The following ZFPM1 variants were observed in gnomAD, a reference collection of about 807,000 sequenced individuals.
ZFPM1 encodes zinc finger protein ZFPM1.
Under a neutral mutation model 46.3 loss-of-function variants are expected in ZFPM1, and 28 were observed. That is an observed-to-expected ratio of 0.60 (90% CI 0.45 to 0.83). The LOEUF is 0.83. Ranked by LOEUF, ZFPM1 falls within the 40% of genes least tolerant of loss-of-function variation. The probability of loss-of-function intolerance (pLI) is 0.00; values close to 1 mark genes in which losing one functional copy is unlikely to be tolerated. For synonymous variants in ZFPM1, 957 were observed against 675.9 expected (o/e 1.42, Z -6.45); for missense variants, 1,878 against 1,432.4 (o/e 1.31, Z -5.02).
In ZFPM1 at chr16:88,495,133, A is replaced by G. The variant is rs74807982; in HGVS notation, c.268+5980A>G. On this transcript the variant is annotated intron_variant, in intron 3 of 9. Coordinates refer to ENST00000319555, the MANE Select transcript of ZFPM1 (RefSeq NM_153813.3). ...CCTGCCTCGGAAAATGGAGGCGCTC[A>G]GACGTGCCAGCCCCACTAGGACTTG... Among the ~76,000 whole-genome samples, 246 of 152,332 alleles carry G rather than the reference A, an allele frequency of 1.6e-3. 1 individual carries two copies. Among genetic ancestry groups the G allele is most frequent in the African/African-American group, 5.7e-3 (238 of 41,578 alleles).
At chr16:88,465,862 G>A (rs1373297534) in intron 1 of ZFPM1, among the ~76,000 whole-genome samples, 6 of 152,360 alleles carry the variant, frequency 3.9e-5, no homozygotes, top group African/African-American at 1.2e-4. Flanking sequence ...AGAGCCCGGC[G>A]TGCGGCTAAT....
At position 88,453,574 on chromosome 16, in the gene ZFPM1, C is replaced by A; in HGVS notation, c.-65C>A. 1 of 921,424 alleles carries A rather than the reference C, an allele frequency of 1.1e-6. No homozygotes were observed. Among genetic ancestry groups the A allele is most frequent in the Non-Finnish European group, 1.3e-6 (1 of 774,474 alleles). 57.1% of individuals were successfully genotyped at this position (921,424 alleles called of 1,614,324 possible). The stretch of plus-strand genomic sequence containing the variant: ...CGGCCCCGCGGCCCCGCCGCGCCCC[C>A]GCCGCCCGCCGCCGCCCGCCCGGGG... On this transcript the variant is annotated 5_prime_UTR_variant, in exon 1 of 10. Transcript: ENST00000319555.
chr16:88,495,297 G>A (rs901885785), intron 3 of ZFPM1, among the ~76,000 whole-genome samples: 4 of 152,250 alleles, frequency 2.6e-5, no homozygotes, highest in Admixed American at 2.0e-4. Context: ...AGGCCGAAGA[G>A]CGTGGGGGCT....
At chr16:88,531,860 T>C (rs1912809049) in intron 6 of ZFPM1, 142 bp from the exon 7 acceptor site, 4 of 748,034 alleles carry the variant, frequency 5.3e-6, no homozygotes, top group African/African-American at 1.8e-5. Flanking sequence ...GGCTTACAGT[T>C]ACAGGAAGGG....
At chr16:88,517,917 A>G (rs1185632142) in intron 4 of ZFPM1, among the ~76,000 whole-genome samples, 1 of 151,854 alleles carries the variant, frequency 6.6e-6, no homozygotes, top group Admixed American at 6.6e-5. Flanking sequence ...GGATGGATAA[A>G]TGAGTGGGTG....
At chr16:88,510,131 G>A (rs931271938) in intron 3 of ZFPM1, among the ~76,000 whole-genome samples, 2 of 152,144 alleles carry the variant, frequency 1.3e-5, no homozygotes, top group African/African-American at 4.8e-5. Context: ...CTCACGGCAC[G>A]AGCCCGAGGG....
intron 3 of ZFPM1, among the ~76,000 whole-genome samples, chr16:88,502,598 G>A (rs1265310064): frequency 3.3e-5 from 5 of 152,206 alleles, no homozygotes; most frequent in Non-Finnish European, 5.9e-5. Flanking sequence ...GCTGCTGGAG[G>A]CAGTGGCCTT....
chr16:88,485,952 C>T lies in ZFPM1; in HGVS notation c.54C>T (p.Asp18=). Reference sequence around the variant, plus strand: ...TTGTGTCCACAGGTTCCCTCGGAGACATGGAGGCCAGAGAGGAGGTGCAGT... The same window carrying T: ...TTGTGTCCACAGGTTCCCTCGGAGATATGGAGGCCAGAGAGGAGGTGCAGT... The part of the protein sequence containing the change: ...NPRQIKRSLG[D]MEAREEVQLV... Residue 18 remains aspartate (D), a synonymous_variant, in exon 2 of 10, where the codon GAC becomes GAT. Coordinates refer to ENST00000319555, the MANE Select transcript of ZFPM1 (RefSeq NM_153813.3). The T allele has an allele frequency of 6.2e-7, 1 of 1,612,852 alleles. No individual in the cohort carries two copies. Among genetic ancestry groups the T allele is most frequent in the African/African-American group, 1.3e-5 (1 of 75,056 alleles).
rs1346770761 is a variant in ZFPM1 at position 88,535,522 on chromosome 16, A to G, written c.*543A>G. On this transcript the variant is annotated 3_prime_UTR_variant, in exon 10 of 10. Coordinates refer to ENST00000319555, the MANE Select transcript of ZFPM1 (RefSeq NM_153813.3). ...AACCCTGCATGGTCCTGGGGGTCCGATGTCCCCCATCCAGTCACAGACCAC... is the reference window on the plus strand; with the variant it reads ...AACCCTGCATGGTCCTGGGGGTCCGGTGTCCCCCATCCAGTCACAGACCAC... The G allele has an allele frequency of 6.6e-6, 1 of 152,300 alleles. No individual in the cohort carries two copies. The highest frequency in any genetic ancestry group is 1.9e-4 in the East Asian group (1 of 5,194). 9.4% of individuals were successfully genotyped at this position (152,300 alleles called of 1,614,324 possible). A position where few individuals can be genotyped will look rare whatever the true frequency, so the allele number is the denominator to read the frequency against.
At chr16:88,465,067 G>T (rs755513037) in intron 1 of ZFPM1, among the ~76,000 whole-genome samples, 1 of 151,292 alleles carries the variant, frequency 6.6e-6, no homozygotes, top group Non-Finnish European at 1.5e-5. Flanking sequence ...GGGGCCTGGG[G>T]TGGGTGGGAG....
intron 7 of ZFPM1, 111 bp downstream of exon 7, chr16:88,532,346 C>T (rs1327180431): frequency 2.1e-5 from 24 of 1,142,652 alleles, no homozygotes; most frequent in Non-Finnish European, 2.7e-5. Flanking sequence ...CCACCATTCA[C>T]CTGCGCGGTC....
In ZFPM1 at chr16:88,533,542, G is replaced by C. The variant is rs776229994; in HGVS notation, c.1584G>C (p.Gln528His). 2.2e-4 allele frequency: 326 copies of C among 1,470,606 alleles called. 1 individual carries two copies. In the Middle Eastern group the frequency reaches 4.1e-3, roughly 19 times the overall value. The allele number at this position is 1,470,606 out of a possible 1,614,324, so 91.1% of individuals were successfully genotyped here. Reference sequence around the variant, plus strand: ...TGGCCGGGGCCCTGTTCCTTCCGCAGTACGTGTTCGGGCCCGACGCGGCGC... The same window carrying C: ...TGGCCGGGGCCCTGTTCCTTCCGCACTACGTGTTCGGGCCCGACGCGGCGC... ...LGLAGALFLP[Q>H]YVFGPDAAPP... is the part of the protein sequence containing the mutation. The change falls in exon 10 of 10, where the codon CAG becomes CAC. Residue 528 changes from glutamine to histidine, a missense_variant. Gln to His is a conservative substitution (Grantham distance 24, BLOSUM62 0). Coordinates refer to ENST00000319555, the MANE Select transcript of ZFPM1 (RefSeq NM_153813.3).
intron 4 of ZFPM1, among the ~76,000 whole-genome samples, chr16:88,526,186 G>A (rs1208556244): frequency 2.6e-5 from 4 of 152,314 alleles, no homozygotes; most frequent in East Asian, 1.9e-4. Context: ...GCCGTGTGCC[G>A]GCCCCGGGAG....
rs761762999 is a variant in ZFPM1 at position 88,533,708 on chromosome 16, A to G, written c.1750A>G (p.Ile584Val). 2 of 1,514,174 alleles carry G rather than the reference A, an allele frequency of 1.3e-6. No individual in the cohort carries two copies. Among genetic ancestry groups the G allele is most frequent in the Non-Finnish European group, 1.8e-6 (2 of 1,126,604 alleles). The allele number at this position is 1,514,174 out of a possible 1,614,324, so 93.8% of individuals were successfully genotyped here. Residue 584 changes from isoleucine to valine, a missense_variant, in exon 10 of 10, where the codon ATC becomes GTC. Ile to Val is a conservative substitution (Grantham distance 29). Transcript: ENST00000319555. ...PKGATCFECEITFSNVNNYYV... is the reference protein window; with the variant it reads ...PKGATCFECEVTFSNVNNYYV... Reference sequence around the variant, plus strand: ...GGGCGCTACGTGCTTCGAGTGCGAGATCACCTTCAGCAACGTCAACAACTA... The same window carrying G: ...GGGCGCTACGTGCTTCGAGTGCGAGGTCACCTTCAGCAACGTCAACAACTA...
In ZFPM1 at chr16:88,485,825, A is replaced by G. The variant is rs539773986; in HGVS notation, c.41-114A>G. Reference sequence around the variant, plus strand: ...AGGGTGAGGGATGACCCTCACCCCCACCCATTGCCATTTCCGCCTGGGCAC... The same window carrying G: ...AGGGTGAGGGATGACCCTCACCCCCGCCCATTGCCATTTCCGCCTGGGCAC... On this transcript the variant is annotated intron_variant, in intron 1 of 9. Coordinates refer to ENST00000319555, the MANE Select transcript of ZFPM1 (RefSeq NM_153813.3). 8.6e-5 allele frequency: 78 copies of G among 903,242 alleles called. No homozygotes were observed. In the African/African-American group the frequency reaches 1.1e-3, roughly 13 times the overall value. 56.0% of individuals were successfully genotyped at this position (903,242 alleles called of 1,614,324 possible).
rs1912949667 is a variant in ZFPM1, at chr16:88,533,284, A to G, written c.1326A>G (p.Arg442=). ...ALAEATNGEA[R]AEPLAQNGGS... ...CCGAGGCCACCAACGGAGAGGCCAG[A>G]GCGGAGCCTCTGGCCCAGAATGGAG... The change falls in exon 10 of 10, where the codon AGA becomes AGG. Residue 442 remains arginine, a synonymous_variant. Coordinates refer to ENST00000319555, the MANE Select transcript of ZFPM1 (RefSeq NM_153813.3). The G allele has an allele frequency of 1.6e-6, 2 of 1,286,710 alleles. No homozygotes were observed. The highest frequency in any genetic ancestry group is 1.9e-4 in the Middle Eastern group (1 of 5,202). 79.7% of individuals were successfully genotyped at this position (1,286,710 alleles called of 1,614,324 possible).
chr16:88,532,538 C>T, intron 7 of ZFPM1, 76 bp from the exon 8 acceptor site: 1 of 1,449,966 alleles, frequency 6.9e-7, no homozygotes. Flanking sequence ...GGCCCTGGGC[C>T]CAGTCGCCTT....
rs1908405208 is a variant in ZFPM1, at chr16:88,471,252, A to AG, written c.41-14684dup. ...TGAGCTCCCAACCAGCTGACCCTCC[A>AG]GGGCTGCAGCCATGTGTGACCTCCA... is the stretch of plus-strand genomic sequence containing the variant. On this transcript the variant is annotated intron_variant, in intron 1 of 9. Transcript: ENST00000319555. The surrounding 1 kb of genome is among the most constrained non-coding windows in gnomAD (Gnocchi z 4.1). Among the ~76,000 whole-genome samples the AG allele has an allele frequency of 6.6e-6, 1 of 152,344 alleles. No individual in the cohort carries two copies. The highest frequency in any genetic ancestry group is 2.4e-5 in the African/African-American group (1 of 41,586).
In ZFPM1 at chr16:88,497,098, G is replaced by C. The variant is rs1014553751; in HGVS notation, c.268+7945G>C. 6.6e-6 allele frequency among the ~76,000 whole-genome samples: 1 copy of C among 152,364 alleles called. No individual in the cohort carries two copies. Among genetic ancestry groups the C allele is most frequent in the East Asian group, 1.9e-4 (1 of 5,182 alleles). On this transcript the variant is annotated intron_variant, in intron 3 of 9. Coordinates refer to ENST00000319555, the MANE Select transcript of ZFPM1 (RefSeq NM_153813.3). The surrounding 1 kb of genome is among the most constrained non-coding windows in gnomAD (Gnocchi z 5.4). ...ACCACTATGGACAAGGTGAATTCCA[G>C]CTGATCACACAAGTCGTGACTTTTC... is the stretch of plus-strand genomic sequence containing the variant.
Sources: gnomAD v4.1 joint callset for allele counts (sites outside exome capture counted in the v4.1 genomes callset) on GRCh38, gnomAD v4.1.1 for gene constraint, Gnocchi (gnomAD v3.1) non-coding constraint, MANE v1.5 for transcripts, NCBI Gene and HGNC (gene_info 2026-07-23, HGNC 2026-07-21) for gene names.